NEMP2: variants seen among roughly 807,000 people sequenced by gnomAD.
NEMP2 encodes the protein nuclear envelope integral membrane protein 2.
Under a neutral mutation model 54.2 loss-of-function variants are expected in NEMP2, and 53 were observed. That is an observed-to-expected ratio of 0.98 (90% confidence interval 0.78 to 1.23). The LOEUF (loss-of-function observed/expected upper bound fraction) is 1.23, where lower values mean the gene tolerates loss of function less well. Ranked by LOEUF, NEMP2 falls within the 50% of genes most tolerant of loss-of-function variation. The pLI, the probability that NEMP2 is intolerant of heterozygous loss-of-function variation, is 0.00. For synonymous variants in NEMP2, 197 were observed against 190.3 expected, an observed-to-expected ratio of 1.04 and a Z score of -0.29; for missense variants, 455 against 511.3, an observed-to-expected ratio of 0.89 and a Z score of 1.06.
At chr2:190,561,627 G>T in the NEMP2 span, among the ~76,000 whole-genome samples, 48 of 152,234 alleles carry the variant, frequency 3.2e-4, 1 homozygote, top group East Asian at 7.3e-3. The surrounding 1 kb of genome is among the most constrained non-coding windows in gnomAD (Gnocchi z 5.4). Flanking sequence ...AAGTCCTAGG[G>T]TTTGGATTTC....
At chr2:190,499,947 G>T (rs1689939108), downstream of NEMP2, 1 of 1,602,376 alleles carries the variant, frequency 6.2e-7, no homozygotes, top group Non-Finnish European at 8.5e-7. The surrounding 1 kb of genome is among the most constrained non-coding windows in gnomAD (Gnocchi z 6.0). Flanking sequence ...TTACTTGAAA[G>T]CATATATAAA....
the NEMP2 span, among the ~76,000 whole-genome samples, chr2:190,606,948 C>A: frequency 6.6e-6 from 1 of 152,170 alleles, no homozygotes; most frequent in Non-Finnish European, 1.5e-5. Flanking sequence ...TGGTGCCTGG[C>A]TTCCTACCTT....
chr2:190,441,974 C>CT, the NEMP2 span, among the ~76,000 whole-genome samples: 1 of 152,142 alleles, frequency 6.6e-6, no homozygotes, highest in Non-Finnish European at 1.5e-5. Flanking sequence ...CTCTTCACTA[C>CT]TTACAAAGAC....
intron 6 of NEMP2, among the ~76,000 whole-genome samples, chr2:190,515,643 A>G (rs1441534746): frequency 6.6e-6 from 1 of 152,242 alleles, no homozygotes; most frequent in African/African-American, 2.4e-5. Flanking sequence ...AGCTAAAAAT[A>G]TACAATTTTC....
the NEMP2 span, among the ~76,000 whole-genome samples, chr2:190,451,868 T>A: frequency 6.6e-6 from 1 of 152,262 alleles, no homozygotes; most frequent in Non-Finnish European, 1.5e-5. The surrounding 1 kb of genome is among the most constrained non-coding windows in gnomAD (Gnocchi z 5.0). Context: ...ATAACTGATT[T>A]CTGCTTTTAT....
chr2:190,516,191 A>G (rs929857647), intron 6 of NEMP2, 79 bp downstream of exon 6: 1 of 933,656 alleles, frequency 1.1e-6, no homozygotes, highest in Non-Finnish European at 1.6e-6. Flanking sequence ...TTGGAGAGAA[A>G]CATCTATCAA....
the NEMP2 span, among the ~76,000 whole-genome samples, chr2:190,638,009 G>A: frequency 6.6e-6 from 1 of 152,224 alleles, no homozygotes; most frequent in Non-Finnish European, 1.5e-5. The surrounding 1 kb of genome is among the most constrained non-coding windows in gnomAD (Gnocchi z 5.7). Flanking sequence ...CACACTGGGT[G>A]CCCGAGAGGG....
the NEMP2 span, among the ~76,000 whole-genome samples, chr2:190,633,710 A>G: frequency 1.3e-5 from 2 of 152,350 alleles, no homozygotes; most frequent in East Asian, 3.9e-4. Context: ...ACATGTGTGT[A>G]CCTAGCAATA....
At chr2:190,584,456 A>G in the NEMP2 span, among the ~76,000 whole-genome samples, 1 of 152,198 alleles carries the variant, frequency 6.6e-6, no homozygotes, top group Non-Finnish European at 1.5e-5. This position sits in a 1 kb window ranked among gnomAD's most constrained non-coding sequence, Gnocchi z 4.2. Context: ...ACTCAGTACA[A>G]TTATGGGTGT....
the NEMP2 span, among the ~76,000 whole-genome samples, chr2:190,432,477 C>T: frequency 6.6e-6 from 1 of 152,126 alleles, no homozygotes; most frequent in African/African-American, 2.4e-5. Context: ...AATGCAGTGG[C>T]GTGATCTCGG....
chr2:190,541,575 A>T, the NEMP2 span, among the ~76,000 whole-genome samples: 1 of 152,160 alleles, frequency 6.6e-6, no homozygotes, highest in African/African-American at 2.4e-5. This position sits in a 1 kb window ranked among gnomAD's most constrained non-coding sequence, Gnocchi z 5.2. Context: ...ATTGTTTTTC[A>T]TAGATATGTC....
the NEMP2 span, among the ~76,000 whole-genome samples, chr2:190,572,833 GTATATATA>G: frequency 9.3e-3 from 444 of 47,854 alleles, 4 homozygotes; most frequent in African/African-American, 0.026. Flanking sequence ...CTTTTCATGA[GTATATATA>G]TATATATATA....
chr2:190,492,123 A>G, the NEMP2 span, among the ~76,000 whole-genome samples: 26,043 of 152,176 alleles, frequency 0.17, 2,379 homozygotes, highest in East Asian at 0.3. The surrounding 1 kb of genome is among the most constrained non-coding windows in gnomAD (Gnocchi z 5.2). Flanking sequence ...AAGAATTTTA[A>G]AAAATGAACA....
At chr2:190,644,117 C>T in the NEMP2 span, among the ~76,000 whole-genome samples, 1 of 151,890 alleles carries the variant, frequency 6.6e-6, no homozygotes, top group African/African-American at 2.4e-5. The surrounding 1 kb of genome is among the most constrained non-coding windows in gnomAD (Gnocchi z 4.4). Context: ...TAAATTCTAG[C>T]TATATACTGA....
chr2:190,550,679 G>A, the NEMP2 span, among the ~76,000 whole-genome samples: 4 of 151,958 alleles, frequency 2.6e-5, no homozygotes, highest in African/African-American at 9.7e-5. The surrounding 1 kb of genome is among the most constrained non-coding windows in gnomAD (Gnocchi z 4.7). Context: ...TCTGCATTTT[G>A]TACAAATGTA....
the NEMP2 span, among the ~76,000 whole-genome samples, chr2:190,576,352 T>C: frequency 6.6e-6 from 1 of 152,226 alleles, no homozygotes; most frequent in Non-Finnish European, 1.5e-5. Flanking sequence ...ATGAGACTCT[T>C]AAATTATCTG....
At chr2:190,458,033 C>G in the NEMP2 span, among the ~76,000 whole-genome samples, 3 of 152,140 alleles carry the variant, frequency 2.0e-5, no homozygotes, top group East Asian at 5.8e-4. The surrounding 1 kb of genome is among the most constrained non-coding windows in gnomAD (Gnocchi z 5.3). Flanking sequence ...CTCACTCTGA[C>G]TGTTGAGGCC....
chr2:190,482,336 G>C, the NEMP2 span, among the ~76,000 whole-genome samples: 5 of 151,698 alleles, frequency 3.3e-5, no homozygotes, highest in South Asian at 1.0e-3. Context: ...CCCAATGGAG[G>C]CCTTTCCTTA....
At chr2:190,497,674 G>A in the NEMP2 span, 1 of 1,614,174 alleles carries the variant, frequency 6.2e-7, no homozygotes, top group Admixed American at 1.7e-5. The surrounding 1 kb of genome is among the most constrained non-coding windows in gnomAD (Gnocchi z 5.2). Context: ...AAGAGATGAT[G>A]CAACTCACAA....
Sources: allele counts gnomAD v4.1 joint callset (sites outside exome capture counted in the v4.1 genomes callset), GRCh38; gene constraint gnomAD v4.1.1; non-coding constraint Gnocchi (gnomAD v3.1); transcripts MANE v1.5; gene names NCBI Gene and HGNC (gene_info 2026-07-23, HGNC 2026-07-21).